LUZP2: variants seen among roughly 807,000 people sequenced by gnomAD.
The protein encoded by LUZP2 is leucine zipper protein 2.
LUZP2 carries 52 observed loss-of-function variants against 51.6 expected under a neutral mutation model. The ratio of observed to expected loss-of-function variants is 1.01; its 90% CI spans 0.81 to 1.27. The LOEUF (loss-of-function observed/expected upper bound fraction) is 1.27. Ranked by LOEUF, LUZP2 falls within the 50% of genes most tolerant of loss-of-function variation. LUZP2 has a pLI of 0.00. For missense variants in LUZP2, 436 were observed against 395.4 expected (o/e 1.10, Z -0.87); for synonymous variants, 154 against 137.3 (o/e 1.12, Z -0.85).
intron 5 of LUZP2, among the ~76,000 whole-genome samples, chr11:24,791,033 A>G (rs1849391903): frequency 6.6e-6 from 1 of 152,134 alleles, no homozygotes; most frequent in African/African-American, 2.4e-5. Flanking sequence ...TACTCAATAT[A>G]TTTACCTGTA....
At chr11:24,634,520 G>T (rs1018860398) in intron 1 of LUZP2, among the ~76,000 whole-genome samples, 1 of 151,810 alleles carries the variant, frequency 6.6e-6, no homozygotes, top group African/African-American at 2.4e-5. Context: ...GGTTTTTCAA[G>T]ATCTCATTCC....
intron 1 of LUZP2, among the ~76,000 whole-genome samples, chr11:24,633,280 A>G (rs1459776311): frequency 1.3e-5 from 2 of 152,080 alleles, no homozygotes; most frequent in African/African-American, 2.4e-5. Flanking sequence ...GCTTTCAAGT[A>G]TTTAAAAATA....
chr11:24,871,826 C>T (rs1852085439), intron 5 of LUZP2, among the ~76,000 whole-genome samples: 1 of 152,046 alleles, frequency 6.6e-6, no homozygotes, highest in African/African-American at 2.4e-5. Flanking sequence ...GACTGACCCA[C>T]ATTTGGAATG....
At chr11:24,637,102 T>C (rs1020904645) in intron 1 of LUZP2, among the ~76,000 whole-genome samples, 2 of 151,794 alleles carry the variant, frequency 1.3e-5, no homozygotes, top group African/African-American at 4.9e-5. Context: ...CTTAAAAATC[T>C]ATAAAACAAA....
chr11:24,948,445 T>A (rs996458921), intron 7 of LUZP2, among the ~76,000 whole-genome samples: 1 of 151,900 alleles, frequency 6.6e-6, no homozygotes, highest in East Asian at 1.9e-4. Flanking sequence ...GTAATTTATA[T>A]GCCCTGCTAC....
At chr11:25,061,218 C>T (rs958701362) in intron 10 of LUZP2, among the ~76,000 whole-genome samples, 14 of 152,256 alleles carry the variant, frequency 9.2e-5, no homozygotes, top group East Asian at 5.8e-4. Flanking sequence ...TTCTGCACTA[C>T]GCTGTGATTG....
chr11:24,991,058 T>C (rs531158473), intron 9 of LUZP2, among the ~76,000 whole-genome samples: 3 of 152,146 alleles, frequency 2.0e-5, no homozygotes, highest in Non-Finnish European at 2.9e-5. Flanking sequence ...GAGATTTTGG[T>C]GCACCCATCA....
intron 6 of LUZP2, among the ~76,000 whole-genome samples, chr11:24,907,806 G>C (rs771973197): frequency 6.6e-6 from 1 of 152,066 alleles, no homozygotes; most frequent in Non-Finnish European, 1.5e-5. Flanking sequence ...AGAATAATTC[G>C]TATTTTTTCT....
intron 1 of LUZP2, among the ~76,000 whole-genome samples, chr11:24,505,235 T>A (rs941509668): frequency 2.6e-5 from 4 of 152,114 alleles, no homozygotes; most frequent in African/African-American, 9.7e-5. Context: ...CAAAACATAC[T>A]GTTACCATCT....
At chr11:24,844,604 C>T (rs1380954252) in intron 5 of LUZP2, among the ~76,000 whole-genome samples, 1 of 152,126 alleles carries the variant, frequency 6.6e-6, no homozygotes, top group Non-Finnish European at 1.5e-5. Flanking sequence ...GTCTCCAGGG[C>T]ATGTCACAGG....
intron 1 of LUZP2, among the ~76,000 whole-genome samples, chr11:24,593,907 C>T (rs999522553): frequency 2.0e-5 from 3 of 152,104 alleles, no homozygotes; most frequent in African/African-American, 7.2e-5. Context: ...ATTGTTGTGG[C>T]CACCTTTGGA....
intron 1 of LUZP2, among the ~76,000 whole-genome samples, chr11:24,648,170 C>T (rs59250216): frequency 6.6e-6 from 1 of 151,920 alleles, no homozygotes; most frequent in Non-Finnish European, 1.5e-5. Flanking sequence ...TAAAGCTTGT[C>T]TTGCCTTATC....
intron 5 of LUZP2, among the ~76,000 whole-genome samples, chr11:24,798,084 T>A (rs1255523731): frequency 1.3e-5 from 2 of 152,178 alleles, no homozygotes; most frequent in Admixed American, 1.3e-4. Context: ...CTTTTTTGGC[T>A]CTGATGCTCT....
chr11:25,046,881 ATAAT>A (rs1858330504), intron 9 of LUZP2, among the ~76,000 whole-genome samples: 1 of 152,222 alleles, frequency 6.6e-6, no homozygotes, highest in South Asian at 2.1e-4. Flanking sequence ...CATGGAGACA[ATAAT>A]TGTGACTGTG....
At chr11:24,974,389 G>A (rs552120409) in intron 7 of LUZP2, among the ~76,000 whole-genome samples, 10 of 151,918 alleles carry the variant, frequency 6.6e-5, no homozygotes, top group South Asian at 4.1e-4. Context: ...CTTTATCAAC[G>A]TTGCCATTGT....
intron 1 of LUZP2, among the ~76,000 whole-genome samples, chr11:24,561,645 A>C (rs1852044480): frequency 6.6e-6 from 1 of 152,030 alleles, no homozygotes; most frequent in African/African-American, 2.4e-5. Flanking sequence ...ACACAGGGAG[A>C]GGAACATCAC....
intron 7 of LUZP2, among the ~76,000 whole-genome samples, chr11:24,929,001 T>C (rs1183441740): frequency 6.6e-6 from 1 of 152,054 alleles, no homozygotes; most frequent in Non-Finnish European, 1.5e-5. Flanking sequence ...CTCTAGGTTT[T>C]CTAGTTTATG....
intron 5 of LUZP2, among the ~76,000 whole-genome samples, chr11:24,901,101 G>C (rs1329473840): frequency 6.6e-6 from 1 of 151,992 alleles, no homozygotes; most frequent in Non-Finnish European, 1.5e-5. Flanking sequence ...GCAACTGCAG[G>C]GATTTCTTGC....
chr11:25,023,168 TG>T (rs1201949192), intron 9 of LUZP2, among the ~76,000 whole-genome samples: 1 of 152,144 alleles, frequency 6.6e-6, no homozygotes. Context: ...CCTCATAAAA[TG>T]AGTTAAGAGG....
Sources: allele counts gnomAD v4.1 joint callset (sites outside exome capture counted in the v4.1 genomes callset), GRCh38; gene constraint gnomAD v4.1.1; transcripts MANE v1.5; gene names NCBI Gene and HGNC (gene_info 2026-07-23, HGNC 2026-07-21).